Variants in EFCAB11 observed in about 807,000 individuals in gnomAD.
The protein encoded by EFCAB11 is EF-hand calcium-binding domain-containing protein 11.
In EFCAB11, 14 loss-of-function variants were observed where a neutral mutation model predicts 23.0. The observed-to-expected ratio is 0.61, with a 90% CI of 0.40 to 0.95. The LOEUF (loss-of-function observed/expected upper bound fraction) is 0.95. Ranked by LOEUF, EFCAB11 falls within the 40% of genes least tolerant of loss-of-function variation. The pLI is 0.00. For synonymous variants in EFCAB11, 65 were observed against 66.6 expected (o/e 0.98, Z 0.11); for missense variants, 198 against 195.8 (o/e 1.01, Z -0.07).
At chr14:89,883,876 C>T (rs1888673504) in intron 5 of EFCAB11, among the ~76,000 whole-genome samples, 1 of 152,152 alleles carries the variant, frequency 6.6e-6, no homozygotes, top group Non-Finnish European at 1.5e-5. Context: ...ATCTGTAATC[C>T]AGCTACTCAA....
chr14:89,927,513 C>G (rs1890231587), intron 5 of EFCAB11, among the ~76,000 whole-genome samples: 1 of 152,272 alleles, frequency 6.6e-6, no homozygotes, highest in Non-Finnish European at 1.5e-5. Flanking sequence ...ACTCAAGCGT[C>G]TCAAAAAGTG....
chr14:89,803,454 C>G (rs1885854030), intron 5 of EFCAB11, among the ~76,000 whole-genome samples: 1 of 152,196 alleles, frequency 6.6e-6, no homozygotes, highest in African/African-American at 2.4e-5. Flanking sequence ...TTTTGAGTCA[C>G]TGTGATAATC....
intron 5 of EFCAB11, among the ~76,000 whole-genome samples, chr14:89,862,195 A>G (rs1168573537): frequency 6.6e-6 from 1 of 152,212 alleles, no homozygotes; most frequent in Non-Finnish European, 1.5e-5. Flanking sequence ...AGCTCTGCCA[A>G]AGTTCACTTT....
At chr14:89,860,390 CAAAT>C (rs888643478) in intron 5 of EFCAB11, among the ~76,000 whole-genome samples, 1 of 151,704 alleles carries the variant, frequency 6.6e-6, no homozygotes, top group Non-Finnish European at 1.5e-5. Context: ...AACAAACAAA[CAAAT>C]GTCTTCAGGA....
chr14:89,932,547 A>C lies in EFCAB11; in HGVS notation c.298T>G (p.Phe100Val). 6.2e-7 allele frequency: 1 copy of C among 1,613,834 alleles called. No homozygotes were observed. The highest frequency in any genetic ancestry group is 8.5e-7 in the Non-Finnish European group (1 of 1,179,892). ...QRYRNEVRHIFTAFDTYYRGF... is the reference protein window; with the variant it reads ...QRYRNEVRHIVTAFDTYYRGF... ...TTACAGTAGGTGTCAAAGGCTGTGAAGATGTGTCTTACTTCGTTCCGATAT... is the reference window on the plus strand; with the variant it reads ...TTACAGTAGGTGTCAAAGGCTGTGACGATGTGTCTTACTTCGTTCCGATAT... The change falls in exon 4 of 6, where the codon TTC becomes GTC. Residue 100 changes from phenylalanine to valine, a missense_variant. Coordinates refer to ENST00000316738, the MANE Select transcript of EFCAB11 (RefSeq NM_145231.4).
intron 5 of EFCAB11, among the ~76,000 whole-genome samples, chr14:89,903,235 A>G (rs1889394447): frequency 6.6e-6 from 1 of 152,240 alleles, no homozygotes; most frequent in South Asian, 2.1e-4. Context: ...TTCAGAATCT[A>G]ATTATAGTGA....
intron 5 of EFCAB11, among the ~76,000 whole-genome samples, chr14:89,804,732 T>C (rs1885910994): frequency 6.6e-6 from 1 of 152,200 alleles, no homozygotes; most frequent in African/African-American, 2.4e-5. Context: ...GATCAGACTA[T>C]TCCTCTACTT....
At chr14:89,873,684 T>A (rs1888352043) in intron 5 of EFCAB11, among the ~76,000 whole-genome samples, 1 of 152,182 alleles carries the variant, frequency 6.6e-6, no homozygotes, top group Non-Finnish European at 1.5e-5. Flanking sequence ...ACAGGCCCCA[T>A]GCAACTCCTA....
chr14:89,918,488 G>A (rs1377299566), intron 5 of EFCAB11, among the ~76,000 whole-genome samples: 2 of 148,958 alleles, frequency 1.3e-5, no homozygotes, highest in Non-Finnish European at 3.0e-5. Flanking sequence ...GCAGTGAGCC[G>A]AGATCACACC....
At chr14:89,868,364 C>T (rs144655664) in intron 5 of EFCAB11, among the ~76,000 whole-genome samples, 44 of 152,300 alleles carry the variant, frequency 2.9e-4, no homozygotes, top group African/African-American at 9.9e-4. Context: ...CTATTACGTA[C>T]AGGACTATGT....
At chr14:89,928,298 T>C (rs1395162910) in intron 5 of EFCAB11, among the ~76,000 whole-genome samples, 4 of 152,278 alleles carry the variant, frequency 2.6e-5, no homozygotes, top group African/African-American at 9.6e-5. Flanking sequence ...GAATTAAAGA[T>C]AAAATATTTT....
At chr14:89,840,642 G>T (rs1168096023) in intron 5 of EFCAB11, among the ~76,000 whole-genome samples, 1 of 152,128 alleles carries the variant, frequency 6.6e-6, no homozygotes, top group Admixed American at 6.5e-5. Context: ...AAATGGAAAA[G>T]CACTACATTT....
chr14:89,898,202 T>C (rs1412298306), intron 5 of EFCAB11, among the ~76,000 whole-genome samples: 1 of 152,202 alleles, frequency 6.6e-6, no homozygotes, highest in Non-Finnish European at 1.5e-5. Context: ...TGTGAGGCCT[T>C]GCATGGGTCA....
chr14:89,903,837 T>C (rs907237051), intron 5 of EFCAB11, among the ~76,000 whole-genome samples: 37 of 152,268 alleles, frequency 2.4e-4, no homozygotes, highest in African/African-American at 6.7e-4. Context: ...ACCACATCTA[T>C]CATATGTACA....
chr14:89,920,682 G>A (rs566756845), intron 5 of EFCAB11, among the ~76,000 whole-genome samples: 48 of 152,280 alleles, frequency 3.2e-4, no homozygotes, highest in Admixed American at 1.0e-3. Flanking sequence ...GTGGTGTTGC[G>A]GTTGCTACCA....
At chr14:89,836,399 C>T in intron 5 of EFCAB11, 1 of 352,370 alleles carries the variant, frequency 2.8e-6, no homozygotes, top group Non-Finnish European at 5.6e-6. Flanking sequence ...TTCCTTCCTA[C>T]ACAGCCCTGA....
In EFCAB11 at chr14:89,885,775, GAA is replaced by G. The variant is rs1480064050; in HGVS notation, c.410+45764_410+45765del. Among the ~76,000 whole-genome samples the G allele has an allele frequency of 2.9e-4, 43 of 148,948 alleles. 1 individual carries two copies. In the South Asian group the frequency reaches 4.9e-3, roughly 17 times the overall value. On this transcript the variant is annotated intron_variant, in intron 5 of 5. Transcript: ENST00000316738. ...GAAAGAAAGGAAAGAAAGAAAGAAA[GAA>G]AGAGAGAAAGAAAGAAAGAAGACAG...
chr14:89,808,290 T>G (rs748631963), intron 5 of EFCAB11, among the ~76,000 whole-genome samples: 2 of 152,232 alleles, frequency 1.3e-5, no homozygotes, highest in Non-Finnish European at 2.9e-5. Context: ...CCCTAGGGGC[T>G]GTGACATGGC....
chr14:89,952,670 T>TA (rs1891214022), intron 2 of EFCAB11: 1 of 945,620 alleles, frequency 1.1e-6, no homozygotes, highest in African/African-American at 1.8e-5. Flanking sequence ...ACAGTAAGTA[T>TA]GTTCTGTTGA....
Sources: allele counts gnomAD v4.1 joint callset (sites outside exome capture counted in the v4.1 genomes callset), GRCh38; gene constraint gnomAD v4.1.1; transcripts MANE v1.5; gene names NCBI Gene and HGNC (gene_info 2026-07-23, HGNC 2026-07-21).